ELL: variants seen among roughly 807,000 people sequenced by gnomAD.
ELL encodes the protein elongation factor for RNA polymerase II.
In ELL, 18 loss-of-function variants were observed where a neutral mutation model predicts 64.0. That is an observed-to-expected ratio of 0.28 (90% CI 0.19 to 0.42). The LOEUF (loss-of-function observed/expected upper bound fraction) is 0.42. Among genes scored for constraint, ELL ranks in the 10% least tolerant of loss-of-function variants. ELL has a pLI of 1.00. For missense variants in ELL, 797 were observed against 870.4 expected (o/e 0.92, Z 1.06); for synonymous variants, 399 against 376.2 (o/e 1.06, Z -0.70).
At chr19:18,459,789 G>C (rs1367825308) in intron 5 of ELL, among the ~76,000 whole-genome samples, 1 of 148,646 alleles carries the variant, frequency 6.7e-6, no homozygotes, top group Non-Finnish European at 1.5e-5. Context: ...GCCTCCCAAA[G>C]TGCTGGGATT....
At chr19:18,464,547 T>C (rs555727918) in intron 4 of ELL, among the ~76,000 whole-genome samples, 1 of 152,220 alleles carries the variant, frequency 6.6e-6, no homozygotes, top group Admixed American at 6.5e-5. Context: ...TGCACCCACA[T>C]CTGGGGTTTC....
intron 1 of ELL, among the ~76,000 whole-genome samples, chr19:18,480,840 C>T (rs1975284852): frequency 6.6e-6 from 1 of 152,016 alleles, no homozygotes; most frequent in South Asian, 2.1e-4. Flanking sequence ...TGCCATGTTG[C>T]CCAGGCTGGA....
intron 1 of ELL, among the ~76,000 whole-genome samples, chr19:18,509,735 C>G (rs1397445247): frequency 2.0e-5 from 3 of 151,946 alleles, no homozygotes; most frequent in African/African-American, 7.2e-5. Flanking sequence ...CCTAAGAAAA[C>G]TCTGCTCCTC....
chr19:18,455,936 T>C (rs1022372186), intron 6 of ELL, among the ~76,000 whole-genome samples: 1 of 151,856 alleles, frequency 6.6e-6, no homozygotes, highest in Non-Finnish European at 1.5e-5. Context: ...CCATCTCTAC[T>C]AAAAATACAA....
intron 1 of ELL, among the ~76,000 whole-genome samples, chr19:18,509,831 C>T (rs1277897121): frequency 6.6e-6 from 1 of 152,204 alleles, no homozygotes; most frequent in East Asian, 1.9e-4. Context: ...CAGTGCCCCC[C>T]AGTGGGCTGT....
chr19:18,461,503 C>T, intron 5 of ELL, 75 bp downstream of exon 5: 4 of 1,536,008 alleles, frequency 2.6e-6, no homozygotes, highest in Non-Finnish European at 3.5e-6. Flanking sequence ...AGTCTCCATG[C>T]TCTGGCCCAT....
chr19:18,496,541 T>C (rs1446602830), intron 1 of ELL, among the ~76,000 whole-genome samples: 1 of 147,500 alleles, frequency 6.8e-6, no homozygotes, highest in Non-Finnish European at 1.5e-5. Flanking sequence ...TTTTTTTTTT[T>C]ACCTTATTAG....
chr19:18,518,044 A>T (rs1976165855), intron 1 of ELL, among the ~76,000 whole-genome samples: 1 of 150,228 alleles, frequency 6.7e-6, no homozygotes, highest in South Asian at 2.1e-4. Flanking sequence ...AACATGGTAA[A>T]ACCCCGTCTC....
chr19:18,462,527 G>A (rs1208665919), intron 4 of ELL, among the ~76,000 whole-genome samples: 3 of 151,856 alleles, frequency 2.0e-5, no homozygotes, highest in African/African-American at 7.3e-5. Context: ...GGGACCACAG[G>A]TGTGCACCAC....
At position 18,501,108 on chromosome 19, in the gene ELL, C is replaced by T. The variant is rs1191729897; in HGVS notation, c.135+20813G>A. On this transcript the variant is annotated intron_variant, in intron 1 of 11. Transcript: ENST00000262809. This position sits in a 1 kb window ranked among gnomAD's most constrained non-coding sequence, Gnocchi z 4.5. ...GGCGCACACCCAGGAGAAGAACGAG[C>T]GGGCCACGACACTGTTCTCGCCAGC... Among the ~76,000 whole-genome samples the T allele has an allele frequency of 1.3e-5, 2 of 152,092 alleles. No individual in the cohort carries two copies. The highest frequency in any genetic ancestry group is 2.9e-5 in the Non-Finnish European group (2 of 68,026).
intron 1 of ELL, among the ~76,000 whole-genome samples, chr19:18,490,629 T>G (rs1054477689): frequency 6.6e-6 from 1 of 152,204 alleles, no homozygotes; most frequent in African/African-American, 2.4e-5. Context: ...TGGTGTCTCC[T>G]GAGACCAAAT....
At position 18,450,621 on chromosome 19, in the gene ELL, C is replaced by T. The variant is rs144216885; in HGVS notation, c.1321G>A (p.Gly441Ser). ...TTGGGCTTGCTGCGCGAGGGGCTGC[C>T]GTGTGGCCTGCTGGGCTGGGCACAG... ...TDCAQPSRPH[G>S]SPSRSKPKKK... The change falls in exon 8 of 12, where the codon GGC becomes AGC. Residue 441 changes from glycine (G) to serine (S), a missense_variant. Gly to Ser is a moderately conservative substitution (Grantham distance 56, BLOSUM62 0). Transcript: ENST00000262809. 18 of 1,609,702 alleles carry T rather than the reference C, an allele frequency of 1.1e-5. No homozygotes were observed. The highest frequency in any genetic ancestry group is 8.4e-5 in the Admixed American group (5 of 59,364).
At chr19:18,499,027 A>G (rs566234571) in intron 1 of ELL, among the ~76,000 whole-genome samples, 1 of 152,282 alleles carries the variant, frequency 6.6e-6, no homozygotes, top group South Asian at 2.1e-4. Context: ...TCCCTCCTGC[A>G]CGCCACCCTA....
In ELL at chr19:18,465,457, G is replaced by A; in HGVS notation, c.424C>T (p.Arg142Trp). ...TTGATGACAATGGCACTTCGGCTCC[G>A]CGTCTCCTCCTCCGCCTGGGCCATG... is the stretch of plus-strand genomic sequence containing the variant. ...QSMAQAEEET[R>W]SRSAIVIKAG... The change falls in exon 4 of 12, where the codon CGG becomes TGG. Residue 142 changes from arginine (R) to tryptophan (W), a missense_variant. Transcript: ENST00000262809. 1.2e-6 allele frequency: 2 copies of A among 1,612,072 alleles called. No individual in the cohort carries two copies. The highest frequency in any genetic ancestry group is 1.7e-6 in the Non-Finnish European group (2 of 1,178,626).
At chr19:18,504,668 C>G (rs998816727) in intron 1 of ELL, among the ~76,000 whole-genome samples, 1 of 152,172 alleles carries the variant, frequency 6.6e-6, no homozygotes, top group African/African-American at 2.4e-5. Flanking sequence ...ACCTGAGGCT[C>G]GACTTTAAAT....
At chr19:18,489,032 C>G (rs1248543891) in intron 1 of ELL, among the ~76,000 whole-genome samples, 1 of 152,206 alleles carries the variant, frequency 6.6e-6, no homozygotes, top group Non-Finnish European at 1.5e-5. Context: ...TGTGGAGGAG[C>G]CTTGCCTGAC....
intron 1 of ELL, among the ~76,000 whole-genome samples, chr19:18,486,348 C>T (rs1975416591): frequency 6.6e-6 from 1 of 152,232 alleles, no homozygotes; most frequent in African/African-American, 2.4e-5. Context: ...AGTCTATGTA[C>T]AACAGACCCA....
Position 18,476,522 on chromosome 19 carries a change from G to C in ELL, c.136-3640C>G, listed in dbSNP as rs117410880. On this transcript the variant is annotated intron_variant, in intron 1 of 11. Coordinates refer to ENST00000262809, the MANE Select transcript of ELL (RefSeq NM_006532.4). ...CCCTGTGGGCCACGCCATCCAGTGA[G>C]GCATTTAACCAGGTTCTGGTAGCTG... Among the ~76,000 whole-genome samples the C allele has an allele frequency of 4.8e-3, 729 of 151,472 alleles. 2 individuals are homozygous for C. Among genetic ancestry groups the C allele is most frequent in the Admixed American group, 9.3e-3 (141 of 15,210 alleles).
In ELL at chr19:18,444,676, A is replaced by AC; in HGVS notation, c.*75_*76insG. On this transcript the variant is annotated 3_prime_UTR_variant, in exon 12 of 12. Transcript: ENST00000262809. ...TCAGATGAGCATCTTCCTCGGGTTT[A>AC]TTTTTTTAAATAAATCCTCTCTCAC... is the stretch of plus-strand genomic sequence containing the variant. 1 of 1,443,456 alleles carries AC rather than the reference A, an allele frequency of 6.9e-7. No individual in the cohort carries two copies. The highest frequency in any genetic ancestry group is 1.3e-5 in the South Asian group (1 of 77,510). The allele number at this position is 1,443,456 out of a possible 1,614,324, so 89.4% of individuals were successfully genotyped here.
Sources: gnomAD v4.1 joint callset for allele counts (sites outside exome capture counted in the v4.1 genomes callset) on GRCh38, gnomAD v4.1.1 for gene constraint, Gnocchi (gnomAD v3.1) non-coding constraint, MANE v1.5 for transcripts, NCBI Gene and HGNC (gene_info 2026-07-23, HGNC 2026-07-21) for gene names.